Variants in ZFP36L2 observed in about 807,000 individuals in gnomAD.
ZFP36L2 encodes ZFP36 like 2 zinc finger CCCH-type.
ZFP36L2 carries 16 observed loss-of-function variants against 27.9 expected under a neutral mutation model. The ratio of observed to expected loss-of-function variants is 0.57; its 90% CI spans 0.39 to 0.87. The LOEUF (loss-of-function observed/expected upper bound fraction) is 0.87, where lower values mean the gene tolerates loss of function less well. Among genes scored for constraint, ZFP36L2 ranks in the 40% least tolerant of loss-of-function variants. ZFP36L2 has a pLI of 0.00. For synonymous variants in ZFP36L2, 600 were observed against 363.8 expected (o/e 1.65, Z -7.39); for missense variants, 989 against 726.9 (o/e 1.36, Z -4.15).
In ZFP36L2 at chr2:43,226,252, C is replaced by T; in HGVS notation, c.51+13G>A. 6.4e-7 allele frequency: 1 copy of T among 1,573,376 alleles called. No individual in the cohort carries two copies. Among genetic ancestry groups the T allele is most frequent in the South Asian group, 1.2e-5 (1 of 86,416 alleles). ...CAACGGCTGCTGCCGGCCGGGCCCG[C>T]TCCCTGGCCTACCTTGCACAAGAAG... is the stretch of plus-strand genomic sequence containing the variant. On this transcript the variant is annotated intron_variant, in intron 1 of 1. Transcript: ENST00000282388.
Position 43,224,290 on chromosome 2 carries a change from C to T in ZFP36L2, c.*29G>A. The T allele has an allele frequency of 2.0e-6, 3 of 1,530,286 alleles. No individual in the cohort carries two copies. Among genetic ancestry groups the T allele is most frequent in the Non-Finnish European group, 2.6e-6 (3 of 1,144,474 alleles). The allele number at this position is 1,530,286 out of a possible 1,614,324, so 94.8% of individuals were successfully genotyped here. A position where few individuals can be genotyped will look rare whatever the true frequency, so the allele number is the denominator to read the frequency against. Reference sequence around the variant, plus strand: ...TCCTCCAACATCTCTGAACCGCCTTCCCTTCCTCCTCACTGGCGCCCTCTT... The same window carrying T: ...TCCTCCAACATCTCTGAACCGCCTTTCCTTCCTCCTCACTGGCGCCCTCTT... On this transcript the variant is annotated 3_prime_UTR_variant, in exon 2 of 2. Coordinates refer to ENST00000282388, the MANE Select transcript of ZFP36L2 (RefSeq NM_006887.5).
At position 43,224,237 on chromosome 2, in the gene ZFP36L2, C is replaced by A; in HGVS notation, c.*82G>T. ...ATGTCACCCCCCCCACTCCCGTGCCCCCAGCAAGGGCGAGATGGCGAGGGG... is the reference window on the plus strand; with the variant it reads ...ATGTCACCCCCCCCACTCCCGTGCCACCAGCAAGGGCGAGATGGCGAGGGG... On this transcript the variant is annotated 3_prime_UTR_variant, in exon 2 of 2. Coordinates refer to ENST00000282388, the MANE Select transcript of ZFP36L2 (RefSeq NM_006887.5). 1 of 1,392,678 alleles carries A rather than the reference C, an allele frequency of 7.2e-7. No homozygotes were observed. Among genetic ancestry groups the A allele is most frequent in the Non-Finnish European group, 9.4e-7 (1 of 1,063,030 alleles). The allele number at this position is 1,392,678 out of a possible 1,614,324, so 86.3% of individuals were successfully genotyped here.
rs1386886528 is a variant in ZFP36L2, at chr2:43,223,207, GA to G, written c.*1111del. ...ATCTTTCAAAATTTACGTAAACAAGGAAAGAAATTAATGAAATAAATATTAC... is the reference window on the plus strand; with the variant it reads ...ATCTTTCAAAATTTACGTAAACAAGGAAGAAATTAATGAAATAAATATTAC... On this transcript the variant is annotated 3_prime_UTR_variant, in exon 2 of 2. Transcript: ENST00000282388. The G allele has an allele frequency of 6.6e-6, 1 of 151,926 alleles. No homozygotes were observed. 9.4% of individuals were successfully genotyped at this position (151,926 alleles called of 1,614,324 possible).
chr2:43,224,155 C>G lies in ZFP36L2; in HGVS notation c.*164G>C. 1 of 597,236 alleles carries G rather than the reference C, an allele frequency of 1.7e-6. No individual in the cohort carries two copies. Among genetic ancestry groups the G allele is most frequent in the East Asian group, 3.5e-5 (1 of 28,948 alleles). 37.0% of individuals were successfully genotyped at this position (597,236 alleles called of 1,614,324 possible). On this transcript the variant is annotated 3_prime_UTR_variant, in exon 2 of 2. Transcript: ENST00000282388. Reference sequence around the variant, plus strand: ...CGAAAAAGGAGGGGTGGGGGCCCCTCCCGGCACAGAGTTCGAGTCCAAGTG... The same window carrying G: ...CGAAAAAGGAGGGGTGGGGGCCCCTGCCGGCACAGAGTTCGAGTCCAAGTG...
chr2:43,225,789 C>G (rs760887904), intron 1 of ZFP36L2, 37 bp from the exon 2 acceptor site: 7 of 1,559,942 alleles, frequency 4.5e-6, no homozygotes, highest in Non-Finnish European at 6.0e-6. Flanking sequence ...GGATGAAAAA[C>G]GGAAGGGGAA....
Position 43,224,633 on chromosome 2 carries a change from A to AGGC in ZFP36L2, c.1168_1170dup (p.Ala390dup), listed in dbSNP as rs755877651. 5.1e-5 allele frequency: 76 copies of AGGC among 1,491,104 alleles called. No individual in the cohort carries two copies. Among genetic ancestry groups the AGGC allele is most frequent in the South Asian group, 3.6e-4 (28 of 78,538 alleles). The allele number at this position is 1,491,104 out of a possible 1,614,324, so 92.4% of individuals were successfully genotyped here. ...TGCTGCTGCTGCTGACTGCGGTAGT[A>AGGC]GGCGGCGGCGGCCACGGCGGCAAAG... On this transcript the variant is annotated inframe_insertion, in exon 2 of 2. Transcript: ENST00000282388.
At position 43,225,267 on chromosome 2, in the gene ZFP36L2, G is replaced by A. The variant is rs141601219; in HGVS notation, c.537C>T (p.Gly179=). Residue 179 remains glycine, a synonymous_variant, in exon 2 of 2, where the codon GGC becomes GGT. Coordinates refer to ENST00000282388, the MANE Select transcript of ZFP36L2 (RefSeq NM_006887.5). ...GAGTCAGGCTGCGCAGCTCGTGGAA[G>A]CCATGCGCGAACTGGCACTTTTCGC... ...KYGEKCQFAH[G]FHELRSLTRH... 3 of 1,611,236 alleles carry A rather than the reference G, an allele frequency of 1.9e-6. No individual in the cohort carries two copies. The highest frequency in any genetic ancestry group is 2.5e-6 in the Non-Finnish European group (3 of 1,179,960).
rs1666988502 is a variant in ZFP36L2, at chr2:43,222,417, A to G, written c.*1902T>C. ...TACATGTTAATACCTTTTTTTCCCA[A>G]AAATTTTATTGGGGGAAAACTACAA... On this transcript the variant is annotated 3_prime_UTR_variant, in exon 2 of 2. Coordinates refer to ENST00000282388, the MANE Select transcript of ZFP36L2 (RefSeq NM_006887.5). The G allele has an allele frequency of 6.6e-6, 1 of 152,310 alleles. No individual in the cohort carries two copies. The highest frequency in any genetic ancestry group is 1.5e-5 in the Non-Finnish European group (1 of 68,010). The allele number at this position is 152,310 out of a possible 1,614,324, so 9.4% of individuals were successfully genotyped here.
At position 43,225,473 on chromosome 2, in the gene ZFP36L2, C is replaced by A. The variant is rs773602043; in HGVS notation, c.331G>T (p.Ala111Ser). Residue 111 changes from alanine (A) to serine (S), a missense_variant, in exon 2 of 2, where the codon GCC becomes TCC. By Grantham distance (99) the Ala-to-Ser change is moderately conservative (BLOSUM62 1). Coordinates refer to ENST00000282388, the MANE Select transcript of ZFP36L2 (RefSeq NM_006887.5). ...LKEPSGGGGT[A>S]LLNKENKFRD... The stretch of plus-strand genomic sequence containing the variant: ...AATTTGTTCTCCTTGTTGAGCAGGG[C>A]TGTGCCGCCGCCCCCCGACGGCTCC... The A allele has an allele frequency of 3.1e-6, 5 of 1,611,358 alleles. No homozygotes were observed. The East Asian group carries it at 6.7e-5, about 22-fold the overall frequency.
rs1410493232 is a variant in ZFP36L2, at chr2:43,223,358, T to C, written c.*961A>G. 1 of 152,280 alleles carries C rather than the reference T, an allele frequency of 6.6e-6. No homozygotes were observed. The highest frequency in any genetic ancestry group is 1.5e-5 in the Non-Finnish European group (1 of 68,028). The allele number at this position is 152,280 out of a possible 1,614,324, so 9.4% of individuals were successfully genotyped here. A position where few individuals can be genotyped will look rare whatever the true frequency, so the allele number is the denominator to read the frequency against. Reference sequence around the variant, plus strand: ...ACATTTTGCCGATTAATAATGGCAATCATAATTTAACATAATAAAAGAATA... The same window carrying C: ...ACATTTTGCCGATTAATAATGGCAACCATAATTTAACATAATAAAAGAATA... On this transcript the variant is annotated 3_prime_UTR_variant, in exon 2 of 2. Coordinates refer to ENST00000282388, the MANE Select transcript of ZFP36L2 (RefSeq NM_006887.5).
rs1325052470 is a variant in ZFP36L2 at position 43,224,062 on chromosome 2, T to G, written c.*257A>C. On this transcript the variant is annotated 3_prime_UTR_variant, in exon 2 of 2. Transcript: ENST00000282388. ...TGAATATTTTGTTCAACAGAAAAAG[T>G]TCGACTTTTTTGCTCAAAAAGAATG... 3 of 375,350 alleles carry G rather than the reference T, an allele frequency of 8.0e-6. No homozygotes were observed. Among genetic ancestry groups the G allele is most frequent in the Admixed American group, 4.6e-5 (1 of 21,940 alleles). The allele number at this position is 375,350 out of a possible 1,614,324, so 23.3% of individuals were successfully genotyped here. A position where few individuals can be genotyped will look rare whatever the true frequency, so the allele number is the denominator to read the frequency against.
Position 43,226,410 on chromosome 2 carries a change from G to T in ZFP36L2, c.-95C>A, listed in dbSNP as rs1667106842. 2.0e-6 allele frequency: 3 copies of T among 1,492,544 alleles called. No homozygotes were observed. The highest frequency in any genetic ancestry group is 2.4e-5 in the South Asian group (2 of 82,684). 92.5% of individuals were successfully genotyped at this position (1,492,544 alleles called of 1,614,324 possible). On this transcript the variant is annotated 5_prime_UTR_variant, in exon 1 of 2. Coordinates refer to ENST00000282388, the MANE Select transcript of ZFP36L2 (RefSeq NM_006887.5). ...CGGGCTTGAGCCACGACGAATAACG[G>T]GCGAGGGGCGGGGAGGGGCCGAAAG...
In ZFP36L2 at chr2:43,224,863, G is replaced by A; in HGVS notation, c.941C>T (p.Thr314Met). 6.7e-7 allele frequency: 1 copy of A among 1,490,958 alleles called. No homozygotes were observed. The highest frequency in any genetic ancestry group is 8.8e-7 in the Non-Finnish European group (1 of 1,134,986). 92.4% of individuals were successfully genotyped at this position (1,490,958 alleles called of 1,614,324 possible). A position where few individuals can be genotyped will look rare whatever the true frequency, so the allele number is the denominator to read the frequency against. ...SSCSSASAAS[T>M]PSGAPTCCAS... is the part of the protein sequence containing the mutation. ...GCAGCATGTCGGGGCGCCCGAGGGCGTGGAGGCCGCGGAGGCCGAGGAACA... is the reference window on the plus strand; with the variant it reads ...GCAGCATGTCGGGGCGCCCGAGGGCATGGAGGCCGCGGAGGCCGAGGAACA... The change falls in exon 2 of 2, where the codon ACG becomes ATG. Residue 314 changes from threonine to methionine, a missense_variant. Transcript: ENST00000282388.
Position 43,225,647 on chromosome 2 carries a change from G to A in ZFP36L2, c.157C>T (p.Leu53Phe). Residue 53 changes from leucine to phenylalanine, a missense_variant, in exon 2 of 2, where the codon CTC becomes TTC. Transcript: ENST00000282388. ...APSSGFAPGFLRRHSASNLHA... is the reference protein window; with the variant it reads ...APSSGFAPGFFRRHSASNLHA... ...AGGTTGCTGGCCGAGTGCCGTCGGA[G>A]GAATCCCGGCGCGAAGCCCGAGCTG... 6.3e-7 allele frequency: 1 copy of A among 1,581,230 alleles called. No homozygotes were observed.
rs1667086743 is a variant in ZFP36L2 at position 43,225,818 on chromosome 2, C to G, written c.52-66G>C. 3.4e-6 allele frequency: 5 copies of G among 1,463,504 alleles called. No individual in the cohort carries two copies. In the Admixed American group the frequency reaches 8.0e-5, roughly 23 times the overall value. 90.7% of individuals were successfully genotyped at this position (1,463,504 alleles called of 1,614,324 possible). Reference sequence around the variant, plus strand: ...AGGGGAAGACAGACTCGGGGCGAGCCGCAGAGGAACTCCCAGCCTGATTCT... The same window carrying G: ...AGGGGAAGACAGACTCGGGGCGAGCGGCAGAGGAACTCCCAGCCTGATTCT... On this transcript the variant is annotated intron_variant, in intron 1 of 1. Coordinates refer to ENST00000282388, the MANE Select transcript of ZFP36L2 (RefSeq NM_006887.5).
At position 43,224,995 on chromosome 2, in the gene ZFP36L2, G is replaced by A. The variant is rs762827775; in HGVS notation, c.809C>T (p.Pro270Leu). The part of the protein sequence containing the change: ...FSGFPSGHHQ[P>L]PGGLESPLLL... ...CAGCGGCGACTCGAGGCCGCCCGGGGGCTGATGGTGGCCCGACGGGAAGCC... is the reference window on the plus strand; with the variant it reads ...CAGCGGCGACTCGAGGCCGCCCGGGAGCTGATGGTGGCCCGACGGGAAGCC... Residue 270 changes from proline (P) to leucine (L), a missense_variant, in exon 2 of 2, where the codon CCC (proline) becomes CTC (leucine). By Grantham distance (98) the Pro-to-Leu change is moderately conservative (BLOSUM62 -3). Coordinates refer to ENST00000282388, the MANE Select transcript of ZFP36L2 (RefSeq NM_006887.5). The A allele has an allele frequency of 3.8e-6, 6 of 1,591,164 alleles. No homozygotes were observed. In the South Asian group the frequency reaches 5.5e-5, roughly 15 times the overall value.
chr2:43,226,505 G>A lies in ZFP36L2; in HGVS notation c.-190C>T. Reference sequence around the variant, plus strand: ...CGGCGGGAGGGTCCGGCGGAGTGCGGCAGGGGGGAAGGAGAGAAGCGAGGA... The same window carrying A: ...CGGCGGGAGGGTCCGGCGGAGTGCGACAGGGGGGAAGGAGAGAAGCGAGGA... On this transcript the variant is annotated 5_prime_UTR_variant, in exon 1 of 2. Transcript: ENST00000282388. 2 of 665,662 alleles carry A rather than the reference G, an allele frequency of 3.0e-6. No homozygotes were observed. The highest frequency in any genetic ancestry group is 1.9e-5 in the South Asian group (1 of 53,676). The allele number at this position is 665,662 out of a possible 1,614,324, so 41.2% of individuals were successfully genotyped here. A position where few individuals can be genotyped will look rare whatever the true frequency, so the allele number is the denominator to read the frequency against.
Position 43,224,212 on chromosome 2 carries a change from A to C in ZFP36L2, c.*107T>G. On this transcript the variant is annotated 3_prime_UTR_variant, in exon 2 of 2. Transcript: ENST00000282388. Reference sequence around the variant, plus strand: ...CGGGCTTGCAGTCTGCCTAGGGCCCATGTCACCCCCCCCACTCCCGTGCCC... The same window carrying C: ...CGGGCTTGCAGTCTGCCTAGGGCCCCTGTCACCCCCCCCACTCCCGTGCCC... 1 of 1,260,856 alleles carries C rather than the reference A, an allele frequency of 7.9e-7. No individual in the cohort carries two copies. Among genetic ancestry groups the C allele is most frequent in the East Asian group, 3.1e-5 (1 of 32,234 alleles). 78.1% of individuals were successfully genotyped at this position (1,260,856 alleles called of 1,614,324 possible). A position where few individuals can be genotyped will look rare whatever the true frequency, so the allele number is the denominator to read the frequency against.
rs1179324898 is a variant in ZFP36L2, at chr2:43,224,285, G to A, written c.*34C>T. The A allele has an allele frequency of 1.3e-6, 2 of 1,514,524 alleles. No homozygotes were observed. The highest frequency in any genetic ancestry group is 1.8e-6 in the Non-Finnish European group (2 of 1,136,118). The allele number at this position is 1,514,524 out of a possible 1,614,324, so 93.8% of individuals were successfully genotyped here. A position where few individuals can be genotyped will look rare whatever the true frequency, so the allele number is the denominator to read the frequency against. On this transcript the variant is annotated 3_prime_UTR_variant, in exon 2 of 2. Coordinates refer to ENST00000282388, the MANE Select transcript of ZFP36L2 (RefSeq NM_006887.5). Reference sequence around the variant, plus strand: ...GGGTGTCCTCCAACATCTCTGAACCGCCTTCCCTTCCTCCTCACTGGCGCC... The same window carrying A: ...GGGTGTCCTCCAACATCTCTGAACCACCTTCCCTTCCTCCTCACTGGCGCC...
Sources: gnomAD v4.1 joint callset for allele counts on GRCh38, gnomAD v4.1.1 for gene constraint, MANE v1.5 for transcripts, NCBI Gene and HGNC (gene_info 2026-07-23, HGNC 2026-07-21) for gene names.